Variants in LCP2 observed in about 807,000 individuals in gnomAD.
The protein encoded by LCP2 is lymphocyte cytosolic protein 2, also known as 76 kDa tyrosine phosphoprotein.
Under a neutral mutation model 74.5 loss-of-function variants are expected in LCP2, and 29 were observed. The observed-to-expected ratio is 0.39, with a 90% CI of 0.29 to 0.53. The LOEUF (loss-of-function observed/expected upper bound fraction) is 0.53. Among genes scored for constraint, LCP2 ranks in the 20% least tolerant of loss-of-function variants. The probability of loss-of-function intolerance (pLI) is 0.72; values close to 1 mark genes in which losing one functional copy is unlikely to be tolerated. For missense variants in LCP2, 604 were observed against 634.6 expected (o/e 0.95, Z 0.52); for synonymous variants, 228 against 229.5 (o/e 0.99, Z 0.06).
chr5:170,251,029 A>G lies in LCP2; in HGVS notation c.1324-144T>C, dbSNP rs960518619. On this transcript the variant is annotated intron_variant, in intron 19 of 20. Coordinates refer to ENST00000046794, the MANE Select transcript of LCP2 (RefSeq NM_005565.5). Reference sequence around the variant, plus strand: ...TCTTGAGTGCAAAACCTGTCATTCAACGAACATTCAGTTCTCCAAACAGCT... The same window carrying G: ...TCTTGAGTGCAAAACCTGTCATTCAGCGAACATTCAGTTCTCCAAACAGCT... 44 of 613,474 alleles carry G rather than the reference A, an allele frequency of 7.2e-5. No individual in the cohort carries two copies. In the African/African-American group the frequency reaches 8.2e-4, roughly 11 times the overall value. 38.0% of individuals were successfully genotyped at this position (613,474 alleles called of 1,614,324 possible). A position where few individuals can be genotyped will look rare whatever the true frequency, so the allele number is the denominator to read the frequency against.
At chr5:170,282,852 G>A (rs1000288004) in intron 3 of LCP2, among the ~76,000 whole-genome samples, 1 of 152,178 alleles carries the variant, frequency 6.6e-6, no homozygotes, top group Non-Finnish European at 1.5e-5. Context: ...CAGAGCCTGC[G>A]CTTTTTCTCA....
At chr5:170,260,644 G>A (rs1180355942) in intron 14 of LCP2, among the ~76,000 whole-genome samples, 6 of 152,186 alleles carry the variant, frequency 3.9e-5, no homozygotes, top group South Asian at 4.1e-4. Context: ...AGCATCCCTC[G>A]CAAACAGGGA....
intron 2 of LCP2, among the ~76,000 whole-genome samples, chr5:170,288,342 G>A (rs184898889): frequency 1.8e-4 from 27 of 152,320 alleles, no homozygotes; most frequent in Admixed American, 5.2e-4. Context: ...CAAACGACTC[G>A]TTGTGTGGGC....
At position 170,268,395 on chromosome 5, in the gene LCP2, C is replaced by T. The variant is rs1461948004; in HGVS notation, c.611G>A (p.Arg204Gln). ...MAALPPPPAG[R>Q]NHSPLPPPQT... Reference sequence around the variant, plus strand: ...CGGGAGGAGGCCTACCGAGTGATTCCGGCCGGCTGGTGGGGGCGGGAGGGC... The same window carrying T: ...CGGGAGGAGGCCTACCGAGTGATTCTGGCCGGCTGGTGGGGGCGGGAGGGC... Residue 204 changes from arginine to glutamine, a missense_variant, in exon 8 of 21, where the codon CGG (arginine) becomes CAG (glutamine). Physicochemically the swap from Arg to Gln is conservative, Grantham distance 43. Transcript: ENST00000046794. The T allele has an allele frequency of 3.0e-6, 2 of 665,936 alleles. No homozygotes were observed. Among genetic ancestry groups the T allele is most frequent in the African/African-American group, 2.1e-5 (1 of 47,908 alleles). The allele number at this position is 665,936 out of a possible 1,614,324, so 41.3% of individuals were successfully genotyped here.
chr5:170,252,681 A>G (rs979233231), intron 18 of LCP2, 170 bp from the exon 19 acceptor site: 1 of 560,602 alleles, frequency 1.8e-6, no homozygotes, highest in Non-Finnish European at 3.2e-6. Context: ...GCTAAATAGA[A>G]GATATTTTGT....
intron 2 of LCP2, among the ~76,000 whole-genome samples, chr5:170,292,147 CCCA>C (rs1762304353): frequency 6.6e-6 from 1 of 152,116 alleles, no homozygotes; most frequent in Admixed American, 6.5e-5. Context: ...TTTCTCTATC[CCCA>C]CCACCTATAA....
chr5:170,265,294 C>T (rs1264772447), intron 10 of LCP2, among the ~76,000 whole-genome samples: 1 of 152,066 alleles, frequency 6.6e-6, no homozygotes, highest in Non-Finnish European at 1.5e-5. Flanking sequence ...GCAAAATTTG[C>T]CAATTTTTGC....
At position 170,262,760 on chromosome 5, in the gene LCP2, A is replaced by C; in HGVS notation, c.819-18T>G. 1 of 1,613,414 alleles carries C rather than the reference A, an allele frequency of 6.2e-7. No individual in the cohort carries two copies. The highest frequency in any genetic ancestry group is 8.5e-7 in the Non-Finnish European group (1 of 1,179,360). On this transcript the variant is annotated intron_variant, in intron 12 of 20. Transcript: ENST00000046794. The stretch of plus-strand genomic sequence containing the variant: ...CGAGTGACCTGTGGAGTTCAGGAAA[A>C]GGATGTGTAAGAAACAAACTTTGCC...
Position 170,252,494 on chromosome 5 carries a change from C to T in LCP2, c.1263G>A (p.Glu421=), listed in dbSNP as rs367560923. Residue 421 remains glutamate, a synonymous_variant, in exon 19 of 21, where the codon GAG becomes GAA. Coordinates refer to ENST00000046794, the MANE Select transcript of LCP2 (RefSeq NM_005565.5). The stretch of plus-strand genomic sequence containing the variant: ...GTCGGGTAATATAAGAAACGTACCA[C>T]TCTTCATTTAATGAATTCTGAAAAT... The part of the protein sequence containing the change: ...PAEEENSLNE[E]WYVSYITRPE... 1.3e-6 allele frequency: 2 copies of T among 1,562,504 alleles called. No individual in the cohort carries two copies. Among genetic ancestry groups the T allele is most frequent in the East Asian group, 2.3e-5 (1 of 44,424 alleles).
rs1761759496 is a variant in LCP2 at position 170,266,547 on chromosome 5, A to G, written c.772+261T>C. ...CACATAGAGAAGCAGCACAGCCCCC[A>G]GAAGCTGCAAGCAGGAGCTTTCTAA... On this transcript the variant is annotated intron_variant, in intron 10 of 20. Coordinates refer to ENST00000046794, the MANE Select transcript of LCP2 (RefSeq NM_005565.5). Among the ~76,000 whole-genome samples the G allele has an allele frequency of 2.0e-5, 3 of 152,232 alleles. No individual in the cohort carries two copies. In the South Asian group the frequency reaches 6.2e-4, roughly 31 times the overall value.
chr5:170,249,390 C>A (rs1232421838), intron 20 of LCP2, among the ~76,000 whole-genome samples: 3 of 141,280 alleles, frequency 2.1e-5, no homozygotes, highest in East Asian at 2.0e-4. Context: ...ATCTACATAT[C>A]TATATATATA....
chr5:170,292,968 G>T (rs890064342), intron 2 of LCP2, among the ~76,000 whole-genome samples: 7 of 152,222 alleles, frequency 4.6e-5, no homozygotes, highest in Non-Finnish European at 1.5e-5. Flanking sequence ...TCATGAGTAT[G>T]TGCTCCAGAG....
Position 170,256,411 on chromosome 5 carries a change from A to G in LCP2, c.1150+115T>C. ...ACGGAATTAAATGTTGAATGAGGAA[A>G]TCAGATGCTTTTAGGAAACAATAAA... On this transcript the variant is annotated intron_variant, in intron 17 of 20. Transcript: ENST00000046794. The surrounding 1 kb of genome is among the most constrained non-coding windows in gnomAD (Gnocchi z 4.5). 1 of 842,670 alleles carries G rather than the reference A, an allele frequency of 1.2e-6. No homozygotes were observed. Among genetic ancestry groups the G allele is most frequent in the Admixed American group, 2.0e-5 (1 of 49,962 alleles). The allele number at this position is 842,670 out of a possible 1,614,324, so 52.2% of individuals were successfully genotyped here. A position where few individuals can be genotyped will look rare whatever the true frequency, so the allele number is the denominator to read the frequency against.
chr5:170,269,275 C>T (rs1761846784), intron 7 of LCP2, among the ~76,000 whole-genome samples: 1 of 152,228 alleles, frequency 6.6e-6, no homozygotes. Context: ...TTTCCTACCC[C>T]TTTGACAGGG....
chr5:170,285,905 C>A (rs991098108), intron 3 of LCP2, among the ~76,000 whole-genome samples: 1 of 152,200 alleles, frequency 6.6e-6, no homozygotes, highest in Non-Finnish European at 1.5e-5. Context: ...CTCCTCAACT[C>A]AAGTCGTCCA....
chr5:170,252,602 C>CA, intron 18 of LCP2, 91 bp from the exon 19 acceptor site: 2 of 647,726 alleles, frequency 3.1e-6, no homozygotes, highest in Admixed American at 5.2e-5. Flanking sequence ...TTCCATAAAT[C>CA]AACACCTCAA....
chr5:170,262,801 A>C (rs758538386), intron 12 of LCP2, 41 bp downstream of exon 12: 1 of 1,613,978 alleles, frequency 6.2e-7, no homozygotes, highest in South Asian at 1.1e-5. Context: ...AGAGTTCTAC[A>C]GAACGTCCCA....
At chr5:170,252,411 T>G in intron 19 of LCP2, 23 bp downstream of exon 19, 1 of 1,387,308 alleles carries the variant, frequency 7.2e-7, no homozygotes, top group Non-Finnish European at 1.0e-6. Flanking sequence ...ACAACTATGT[T>G]AAAATAAACT....
At chr5:170,269,989 T>C (rs1452517194) in intron 7 of LCP2, among the ~76,000 whole-genome samples, 1 of 152,254 alleles carries the variant, frequency 6.6e-6, no homozygotes, top group African/African-American at 2.4e-5. Context: ...GATTAAATGG[T>C]ATTCGTTTTT....
Sources: allele counts gnomAD v4.1 joint callset (sites outside exome capture counted in the v4.1 genomes callset), GRCh38; gene constraint gnomAD v4.1.1; non-coding constraint Gnocchi (gnomAD v3.1); transcripts MANE v1.5; gene names NCBI Gene and HGNC (gene_info 2026-07-23, HGNC 2026-07-21).